The following EGFLAM variants were observed in gnomAD, a reference collection of about 807,000 sequenced individuals.
The protein encoded by EGFLAM is EGF like, fibronectin type III and laminin G domains.
In EGFLAM, 79 loss-of-function variants were observed where a neutral mutation model predicts 113.1. The observed-to-expected ratio is 0.70, with a 90% CI of 0.58 to 0.84. EGFLAM has a LOEUF of 0.84. EGFLAM is among the 40% of genes least tolerant of loss of function. EGFLAM has a pLI of 0.00. For synonymous variants in EGFLAM, 504 were observed against 487.6 expected, an observed-to-expected ratio of 1.03 and a Z score of -0.44; for missense variants, 1,265 against 1,291.6, an observed-to-expected ratio of 0.98 and a Z score of 0.32.
intron 1 of EGFLAM, among the ~76,000 whole-genome samples, chr5:38,329,306 T>C (rs1738977957): frequency 9.1e-6 from 1 of 110,208 alleles, no homozygotes; most frequent in Non-Finnish European, 1.9e-5. Flanking sequence ...AATAAATAAA[T>C]AAATAAATAA....
chr5:38,329,908 G>A (rs1308102065), intron 1 of EGFLAM, among the ~76,000 whole-genome samples: 1 of 152,094 alleles, frequency 6.6e-6, no homozygotes, highest in African/African-American at 2.4e-5. Context: ...TGTATAGGGT[G>A]CTCAATATGT....
rs761199986 is a variant in EGFLAM, at chr5:38,350,617, A to T, written c.408A>T (p.Gln136His). 1.2e-6 allele frequency: 2 copies of T among 1,612,812 alleles called. No homozygotes were observed. Among genetic ancestry groups the T allele is most frequent in the Admixed American group, 3.4e-5 (2 of 59,694 alleles). The change falls in exon 4 of 22, where the codon CAA becomes CAT. Residue 136 changes from glutamine (Q) to histidine (H), a missense_variant and splice_region_variant. Gln to His is a conservative substitution (Grantham distance 24). Transcript: ENST00000322350. ...CTCGGCATGTCACCACTTTGTCCCA[A>T]GGTAAAGTAGGTTCAAATTCATTAA... Reference protein sequence around the residue: ...SSPRHVTTLSQDSCLPPAAPQ... With the variant: ...SSPRHVTTLSHDSCLPPAAPQ...
chr5:38,377,693 A>C (rs530412861), intron 6 of EGFLAM, among the ~76,000 whole-genome samples: 2 of 152,314 alleles, frequency 1.3e-5, no homozygotes, highest in South Asian at 4.1e-4. Flanking sequence ...GAACTCCCAG[A>C]ATTGCAATGT....
intron 19 of EGFLAM, among the ~76,000 whole-genome samples, chr5:38,456,245 G>A (rs1272845805): frequency 6.6e-6 from 1 of 152,104 alleles, no homozygotes; most frequent in Non-Finnish European, 1.5e-5. Context: ...ATCCCCGTTT[G>A]ACAGATGAGA....
chr5:38,457,511 T>TCC (rs1469345080), intron 19 of EGFLAM, among the ~76,000 whole-genome samples: 1 of 152,178 alleles, frequency 6.6e-6, no homozygotes, highest in Non-Finnish European at 1.5e-5. Flanking sequence ...GCTTTCCCTG[T>TCC]CTCTGTGTGT....
intron 1 of EGFLAM, among the ~76,000 whole-genome samples, chr5:38,320,866 G>C (rs1050504612): frequency 6.6e-6 from 1 of 151,934 alleles, no homozygotes; most frequent in African/African-American, 2.4e-5. Flanking sequence ...CCATCTCATG[G>C]GCCTGGAGCA....
intron 14 of EGFLAM, chr5:38,430,088 G>A (rs888744094): frequency 8.7e-6 from 2 of 229,892 alleles, no homozygotes; most frequent in Non-Finnish European, 1.8e-5. Flanking sequence ...TGTTCTTCAC[G>A]ATGACAGCTT....
chr5:38,449,095 C>A (rs1352640434), intron 18 of EGFLAM, among the ~76,000 whole-genome samples: 1 of 145,868 alleles, frequency 6.9e-6, no homozygotes, highest in Non-Finnish European at 1.5e-5. Flanking sequence ...TTTCAGTTTG[C>A]CCCTTATCTC....
At chr5:38,348,085 A>C (rs1271771959) in intron 3 of EGFLAM, among the ~76,000 whole-genome samples, 5 of 151,856 alleles carry the variant, frequency 3.3e-5, no homozygotes, top group African/African-American at 1.2e-4. Flanking sequence ...CAAGCAGTGA[A>C]GCTATGTTTT....
At chr5:38,356,984 A>C (rs1739778950) in intron 5 of EGFLAM, among the ~76,000 whole-genome samples, 1 of 152,210 alleles carries the variant, frequency 6.6e-6, no homozygotes, top group Non-Finnish European at 1.5e-5. Flanking sequence ...CTCAGGAATA[A>C]GATTAGTGCC....
intron 1 of EGFLAM, among the ~76,000 whole-genome samples, chr5:38,334,558 T>C (rs1739135584): frequency 6.6e-6 from 1 of 152,218 alleles, no homozygotes; most frequent in Non-Finnish European, 1.5e-5. Context: ...ACATTAGGAA[T>C]TAGAGTTTAA....
At chr5:38,274,169 GA>G (rs1422672223) in intron 1 of EGFLAM, among the ~76,000 whole-genome samples, 2 of 151,926 alleles carry the variant, frequency 1.3e-5, no homozygotes, top group Non-Finnish European at 2.9e-5. Flanking sequence ...AAGAAAAAAT[GA>G]AAAAAGAATG....
intron 1 of EGFLAM, among the ~76,000 whole-genome samples, chr5:38,322,713 G>A (rs1436629635): frequency 6.6e-6 from 1 of 152,198 alleles, no homozygotes; most frequent in Non-Finnish European, 1.5e-5. Flanking sequence ...GGGAATGATG[G>A]ATTACTCTCT....
At chr5:38,283,849 G>C (rs976568735) in intron 1 of EGFLAM, 3 of 152,202 alleles carry the variant, frequency 2.0e-5, no homozygotes, top group Non-Finnish European at 2.9e-5. Context: ...AGGTTTGTAA[G>C]ACGGTTCCAT....
At chr5:38,355,134 G>A (rs1364325753) in intron 5 of EGFLAM, among the ~76,000 whole-genome samples, 1 of 152,162 alleles carries the variant, frequency 6.6e-6, no homozygotes, top group Non-Finnish European at 1.5e-5. Context: ...GACAGGAAAG[G>A]AGGATATATA....
intron 1 of EGFLAM, among the ~76,000 whole-genome samples, chr5:38,324,043 C>CAAAAAAA (rs34351121): frequency 3.3e-5 from 3 of 92,292 alleles, no homozygotes; most frequent in Non-Finnish European, 4.4e-5. Context: ...CCATCTCAAA[C>CAAAAAAA]AAAAAAAAAA....
intron 10 of EGFLAM, among the ~76,000 whole-genome samples, chr5:38,411,975 T>C (rs1276938263): frequency 6.6e-6 from 1 of 151,964 alleles, no homozygotes; most frequent in Non-Finnish European, 1.5e-5. Context: ...AATCTTTGTG[T>C]TTTTAGTAGA....
At chr5:38,351,333 T>C (rs1176018844) in intron 4 of EGFLAM, among the ~76,000 whole-genome samples, 2 of 152,024 alleles carry the variant, frequency 1.3e-5, no homozygotes, top group Non-Finnish European at 2.9e-5. Flanking sequence ...GGTCTCGAAC[T>C]CCTGACCTCG....
At chr5:38,454,663 T>A (rs1402336205) in intron 19 of EGFLAM, among the ~76,000 whole-genome samples, 1 of 152,206 alleles carries the variant, frequency 6.6e-6, no homozygotes, top group African/African-American at 2.4e-5. Flanking sequence ...ATCTGTGCAG[T>A]CTGGAGAGTG....
Sources: allele counts gnomAD v4.1 joint callset (sites outside exome capture counted in the v4.1 genomes callset), GRCh38; gene constraint gnomAD v4.1.1; transcripts MANE v1.5; gene names NCBI Gene and HGNC (gene_info 2026-07-23, HGNC 2026-07-21).